Variants in PTCHD4 observed in about 807,000 individuals in gnomAD.
PTCHD4 encodes the protein patched domain-containing protein 4.
A neutral mutation model predicts 58.1 loss-of-function variants in PTCHD4; 33 were observed. That is an observed-to-expected ratio of 0.57 (90% CI 0.43 to 0.76). The LOEUF (loss-of-function observed/expected upper bound fraction) is 0.76, where lower values mean the gene tolerates loss of function less well. PTCHD4 is among the 30% of genes least tolerant of loss of function. PTCHD4 has a pLI of 0.00. For missense variants in PTCHD4, 1,058 were observed against 1,027.1 expected (o/e 1.03, Z -0.41); for synonymous variants, 478 against 409.6 (o/e 1.17, Z -2.02).
In PTCHD4 at chr6:47,870,404, G is replaced by T. The variant is rs537422522; in HGVS notation, c.*7899C>A. ...TGGAACATAATTTCCCTTGACTGAG[G>T]TATGAGATTCATTTAATTATTAAAT... On this transcript the variant is annotated 3_prime_UTR_variant, in exon 5 of 5. Transcript: ENST00000339488. Among the ~76,000 whole-genome samples, 3 of 151,648 alleles carry T rather than the reference G, an allele frequency of 2.0e-5. No homozygotes were observed. Among genetic ancestry groups the T allele is most frequent in the Non-Finnish European group, 4.4e-5 (3 of 67,726 alleles).
intron 1 of PTCHD4, among the ~76,000 whole-genome samples, chr6:48,087,245 G>A (rs1025891368): frequency 1.3e-5 from 2 of 152,010 alleles, no homozygotes; most frequent in African/African-American, 4.8e-5. Context: ...TTTCTCCTCT[G>A]GTCTGTCCAG....
chr6:47,983,910 C>T (rs577217447), intron 4 of PTCHD4, among the ~76,000 whole-genome samples: 3 of 152,054 alleles, frequency 2.0e-5, no homozygotes, highest in African/African-American at 2.4e-5. Flanking sequence ...TATGTAAATT[C>T]ATGACAATAT....
chr6:48,069,144 G>T lies in PTCHD4; in HGVS notation c.-187C>A, dbSNP rs1458826186. On this transcript the variant is annotated 5_prime_UTR_variant, in exon 2 of 5. Transcript: ENST00000339488. ...AAGCAGACATGTGCCCCATAAAGGG[G>T]GGGGGGGCTGAGGGGGGGAGAGGAG... 7.0e-6 allele frequency among the ~76,000 whole-genome samples: 1 copy of T among 142,048 alleles called. No individual in the cohort carries two copies. The highest frequency in any genetic ancestry group is 1.5e-5 in the Non-Finnish European group (1 of 64,664). 93.2% of individuals were successfully genotyped at this position (142,048 alleles called of 152,430 possible).
intron 4 of PTCHD4, among the ~76,000 whole-genome samples, chr6:47,902,152 T>C (rs774564860): frequency 2.0e-5 from 3 of 152,228 alleles, no homozygotes; most frequent in Non-Finnish European, 4.4e-5. Flanking sequence ...TACTCCATTT[T>C]AAATACTATA....
intron 4 of PTCHD4, among the ~76,000 whole-genome samples, chr6:47,967,829 T>G (rs73477535): frequency 0.016 from 2,378 of 152,276 alleles, 68 homozygotes; most frequent in African/African-American, 0.055. Flanking sequence ...ATTGAAAAAT[T>G]TAGGGTCTTG....
chr6:47,976,695 TAAAAA>T (rs1561987036), intron 4 of PTCHD4, among the ~76,000 whole-genome samples: 3 of 148,280 alleles, frequency 2.0e-5, no homozygotes, highest in Admixed American at 1.4e-4. Context: ...AATAAATAAA[TAAAAA>T]TATAATTACA....
intron 4 of PTCHD4, among the ~76,000 whole-genome samples, chr6:48,000,321 T>C (rs200045656): frequency 6.6e-6 from 1 of 152,196 alleles, no homozygotes; most frequent in East Asian, 1.9e-4. Flanking sequence ...GTCATTATAG[T>C]CACATCTTTG....
chr6:48,087,417 CTAATA>C (rs1214144155), intron 1 of PTCHD4, among the ~76,000 whole-genome samples: 3 of 152,184 alleles, frequency 2.0e-5, no homozygotes, highest in Non-Finnish European at 2.9e-5. Context: ...AAATTGTCTA[CTAATA>C]TAAGTTACTA....
intron 3 of PTCHD4, among the ~76,000 whole-genome samples, chr6:48,015,990 T>C (rs1272806443): frequency 1.3e-5 from 2 of 151,848 alleles, no homozygotes; most frequent in Non-Finnish European, 2.9e-5. Context: ...GGAACTCAAA[T>C]GAAAAGAGGC....
intron 3 of PTCHD4, among the ~76,000 whole-genome samples, chr6:48,053,164 T>C (rs1234034625): frequency 6.6e-6 from 1 of 152,092 alleles, no homozygotes; most frequent in Non-Finnish European, 1.5e-5. Context: ...TAAATACATC[T>C]AGAAGAAGAG....
chr6:47,923,316 A>C (rs1765491717), intron 4 of PTCHD4, among the ~76,000 whole-genome samples: 1 of 152,106 alleles, frequency 6.6e-6, no homozygotes, highest in Admixed American at 6.6e-5. Flanking sequence ...TGGAACTTGG[A>C]AGTATATTAT....
chr6:47,981,975 T>C (rs889333977), intron 4 of PTCHD4, among the ~76,000 whole-genome samples: 1 of 152,214 alleles, frequency 6.6e-6, no homozygotes, highest in Non-Finnish European at 1.5e-5. Context: ...GACATTCCTC[T>C]GACTCTCCCA....
chr6:48,109,389 T>C lies in PTCHD4; in HGVS notation c.-970+1660A>G, dbSNP rs141990423. Among the ~76,000 whole-genome samples, 512 of 152,236 alleles carry C rather than the reference T, an allele frequency of 3.4e-3. 3 individuals are homozygous for C. Among genetic ancestry groups the C allele is most frequent in the African/African-American group, 0.011 (477 of 41,558 alleles). On this transcript the variant is annotated intron_variant, in intron 1 of 4. Coordinates refer to ENST00000339488, the MANE Select transcript of PTCHD4 (RefSeq NM_001384253.1). ...ACTGTATTAAAAAAGTAGTAAAACA[T>C]AACCAAGTATTTATCTTAAGACGAC...
At chr6:48,067,925 T>C (rs921761773) in intron 3 of PTCHD4, among the ~76,000 whole-genome samples, 8 of 152,196 alleles carry the variant, frequency 5.3e-5, no homozygotes, top group Non-Finnish European at 1.0e-4. Flanking sequence ...GCCCATCTTT[T>C]CCCCCCAGAA....
intron 4 of PTCHD4, among the ~76,000 whole-genome samples, chr6:48,000,812 T>C (rs1241930370): frequency 6.6e-6 from 1 of 152,208 alleles, no homozygotes; most frequent in Non-Finnish European, 1.5e-5. Context: ...TGGCATTGCT[T>C]CTGCAGTTTC....
intron 1 of PTCHD4, among the ~76,000 whole-genome samples, chr6:48,095,847 G>T (rs1455911384): frequency 6.6e-6 from 1 of 152,014 alleles, no homozygotes; most frequent in African/African-American, 2.4e-5. Context: ...CCTGCTCTCT[G>T]ATGTCAGCTA....
At chr6:47,968,467 G>A (rs1767379886) in intron 4 of PTCHD4, among the ~76,000 whole-genome samples, 1 of 152,152 alleles carries the variant, frequency 6.6e-6, no homozygotes, top group South Asian at 2.1e-4. Context: ...AAATGGCACT[G>A]ATATACTTGC....
At chr6:48,095,169 C>T (rs531467088) in intron 1 of PTCHD4, among the ~76,000 whole-genome samples, 66 of 152,188 alleles carry the variant, frequency 4.3e-4, no homozygotes, top group Admixed American at 1.3e-3. Context: ...TGTCTGTTTC[C>T]TTACTGCCAA....
chr6:48,081,118 C>CA (rs1308557162), intron 1 of PTCHD4, among the ~76,000 whole-genome samples: 4 of 152,090 alleles, frequency 2.6e-5, no homozygotes, highest in African/African-American at 9.7e-5. Flanking sequence ...CCAAAATGTA[C>CA]AAAACCCTCC....
Sources: allele counts gnomAD v4.1 joint callset (sites outside exome capture counted in the v4.1 genomes callset), GRCh38; gene constraint gnomAD v4.1.1; transcripts MANE v1.5; gene names NCBI Gene and HGNC (gene_info 2026-07-23, HGNC 2026-07-21).